The following SLC17A2 variants were observed in gnomAD, a reference collection of about 807,000 sequenced individuals.
SLC17A2 encodes the protein solute carrier family 17 member 2, also known as sodium-dependent phosphate transport protein 3.
SLC17A2 carries 38 observed loss-of-function variants against 52.1 expected under a neutral mutation model. The ratio of observed to expected loss-of-function variants is 0.73; its 90% CI spans 0.56 to 0.96. The LOEUF (loss-of-function observed/expected upper bound fraction) is 0.96. SLC17A2 is among the 40% of genes least tolerant of loss of function. SLC17A2 has a pLI of 0.00. For missense variants in SLC17A2, 508 were observed against 583.9 expected (o/e 0.87, Z 1.34); for synonymous variants, 226 against 211.9 (o/e 1.07, Z -0.58).
chr6:25,914,476 A>C, intron 11 of SLC17A2, 104 bp downstream of exon 11: 2 of 747,268 alleles, frequency 2.7e-6, no homozygotes. Flanking sequence ...GGCTCATGTA[A>C]ATAGAGTAAT....
At chr6:25,924,861 G>A (rs2151556895) in intron 2 of SLC17A2, among the ~76,000 whole-genome samples, 1 of 151,794 alleles carries the variant, frequency 6.6e-6, no homozygotes, top group South Asian at 2.1e-4. Context: ...GCTTGCAGGT[G>A]ATGTGGTGCT....
chr6:25,924,047 A>G (rs1561881434), intron 2 of SLC17A2, 141 bp from the exon 3 acceptor site: 3 of 662,700 alleles, frequency 4.5e-6, no homozygotes, highest in East Asian at 2.7e-5. Flanking sequence ...AGCCAGCACT[A>G]CAAACCCACT....
intron 1 of SLC17A2, among the ~76,000 whole-genome samples, chr6:25,926,456 C>G (rs1044533709): frequency 6.6e-6 from 1 of 152,206 alleles, no homozygotes; most frequent in Non-Finnish European, 1.5e-5. Flanking sequence ...AATGTGGACA[C>G]TTGCTTGGAC....
At chr6:25,925,510 C>CAAAA (rs71763063) in intron 2 of SLC17A2, among the ~76,000 whole-genome samples, 1 of 95,906 alleles carries the variant, frequency 1.0e-5, no homozygotes, top group Non-Finnish European at 2.1e-5. Context: ...AAGACTCAGT[C>CAAAA]AAAAAAAAAA....
intron 2 of SLC17A2, among the ~76,000 whole-genome samples, chr6:25,924,204 A>G (rs950968566): frequency 6.6e-6 from 1 of 152,202 alleles, no homozygotes; most frequent in African/African-American, 2.4e-5. Context: ...TATTGCTCCA[A>G]AATGAAGTGA....
chr6:25,919,255 AT>A (rs1766446730), intron 5 of SLC17A2, among the ~76,000 whole-genome samples: 1 of 152,142 alleles, frequency 6.6e-6, no homozygotes, highest in Non-Finnish European at 1.5e-5. Flanking sequence ...TATTCTATTC[AT>A]TTTTTAAAAT....
In SLC17A2 at chr6:25,917,072, A is replaced by G. The variant is rs772120194; in HGVS notation, c.665T>C (p.Val222Ala). ...CACTGTGAACCATAGGAGACAGCAG[A>G]CACAGCCAGTGCTACCTGGGAAGAA... is the stretch of plus-strand genomic sequence containing the variant. Reference protein sequence around the residue: ...IFYIFGSTGCVCCLLWFTVIY... With the variant: ...IFYIFGSTGCACCLLWFTVIY... Residue 222 changes from valine to alanine, a missense_variant, in exon 7 of 12, where the codon GTC (valine) becomes GCC (alanine). By Grantham distance (64) the Val-to-Ala change is moderately conservative (BLOSUM62 0). Coordinates refer to ENST00000377850, the MANE Select transcript of SLC17A2 (RefSeq NM_001286123.3). 1 of 1,613,844 alleles carries G rather than the reference A, an allele frequency of 6.2e-7. No homozygotes were observed.
chr6:25,916,940 G>A lies in SLC17A2; in HGVS notation c.768+29C>T, dbSNP rs746976008. 4 of 1,602,224 alleles carry A rather than the reference G, an allele frequency of 2.5e-6. No homozygotes were observed. In the Admixed American group the frequency reaches 5.0e-5, roughly 20 times the overall value. ...CACCCTGCCCTAGAGACCTCTGCAT[G>A]GGCCACAGGTACAAGGTGTGCACTG... is the stretch of plus-strand genomic sequence containing the variant. On this transcript the variant is annotated intron_variant, in intron 7 of 11. Coordinates refer to ENST00000377850, the MANE Select transcript of SLC17A2 (RefSeq NM_001286123.3).
At position 25,915,729 on chromosome 6, in the gene SLC17A2, T is replaced by A; in HGVS notation, c.1063+7A>T. Reference sequence around the variant, plus strand: ...TTGGTTAAATGGGCCCACACGCTTATCCTTACCAAGAGATGAAAAGAGCTT... The same window carrying A: ...TTGGTTAAATGGGCCCACACGCTTAACCTTACCAAGAGATGAAAAGAGCTT... On this transcript the variant is annotated splice_region_variant and intron_variant, in intron 9 of 11. Transcript: ENST00000377850. The A allele has an allele frequency of 6.2e-7, 1 of 1,613,962 alleles. No homozygotes were observed. Among genetic ancestry groups the A allele is most frequent in the Non-Finnish European group, 8.5e-7 (1 of 1,179,970 alleles).
chr6:25,915,195 A>G (rs1254140123), intron 10 of SLC17A2, among the ~76,000 whole-genome samples: 4 of 125,986 alleles, frequency 3.2e-5, no homozygotes, highest in Non-Finnish European at 3.5e-5. Context: ...TAATATGAAC[A>G]ACACCATGGA....
intron 8 of SLC17A2, 56 bp from the exon 9 acceptor site, chr6:25,915,924 T>C (rs1030401097): frequency 1.5e-5 from 24 of 1,564,306 alleles, no homozygotes; most frequent in Non-Finnish European, 2.0e-5. Flanking sequence ...CACCAAAATT[T>C]GTCAGTTACA....
chr6:25,924,479 C>G (rs553555970), intron 2 of SLC17A2, among the ~76,000 whole-genome samples: 1 of 151,522 alleles, frequency 6.6e-6, no homozygotes, highest in African/African-American at 2.4e-5. Context: ...CTATGTGTCA[C>G]TAGGTCCTGC....
chr6:25,920,511 G>T (rs62392761), intron 5 of SLC17A2, among the ~76,000 whole-genome samples: 26,661 of 152,060 alleles, frequency 0.18, 2,965 homozygotes, highest in Non-Finnish European at 0.25. Context: ...ATTTAAAATG[G>T]TACTTATATG....
Position 25,916,919 on chromosome 6 carries a change from C to T in SLC17A2, c.768+50G>A, listed in dbSNP as rs1457093864. ...GTGCCTCTCAGAGGAGATCCACACC[C>T]TGCCCTAGAGACCTCTGCATGGGCC... On this transcript the variant is annotated intron_variant, in intron 7 of 11. Coordinates refer to ENST00000377850, the MANE Select transcript of SLC17A2 (RefSeq NM_001286123.3). 3 of 1,607,110 alleles carry T rather than the reference C, an allele frequency of 1.9e-6. No individual in the cohort carries two copies. In the Admixed American group the frequency reaches 5.0e-5, roughly 27 times the overall value.
At chr6:25,925,957 A>G (rs923069542) in intron 1 of SLC17A2, 78 bp from the exon 2 acceptor site, 27 of 769,000 alleles carry the variant, frequency 3.5e-5, no homozygotes, top group African/African-American at 6.8e-5. Context: ...TAGCATCAGT[A>G]AAAGTTTTGA....
intron 8 of SLC17A2, 96 bp from the exon 9 acceptor site, chr6:25,915,964 A>G: frequency 1.7e-6 from 2 of 1,184,782 alleles, no homozygotes; most frequent in Non-Finnish European, 2.4e-6. Context: ...CCCCCATGAT[A>G]CTGTGGGTTG....
chr6:25,915,491 G>A lies in SLC17A2; in HGVS notation c.1211+8C>T, dbSNP rs578094548. ...TGGAGGAGGGGAAAAAACAGGTAGA[G>A]CTCTTACCTGGGGGCGATATCTAAG... On this transcript the variant is annotated splice_region_variant and intron_variant, in intron 10 of 11. Coordinates refer to ENST00000377850, the MANE Select transcript of SLC17A2 (RefSeq NM_001286123.3). 1.9e-6 allele frequency: 3 copies of A among 1,548,112 alleles called. No individual in the cohort carries two copies. Among genetic ancestry groups the A allele is most frequent in the East Asian group, 2.4e-5 (1 of 40,910 alleles).
intron 5 of SLC17A2, among the ~76,000 whole-genome samples, chr6:25,919,940 G>C (rs1766489896): frequency 6.6e-6 from 1 of 152,056 alleles, no homozygotes; most frequent in South Asian, 2.1e-4. Context: ...GGGCCAGATG[G>C]CTAAGAACTT....
Position 25,913,243 on chromosome 6 carries a change from G to A in SLC17A2, c.*74C>T. On this transcript the variant is annotated 3_prime_UTR_variant, in exon 12 of 12. Transcript: ENST00000377850. The stretch of plus-strand genomic sequence containing the variant: ...TAAGAACTGCTGAGTCTATGGTCAG[G>A]AATATGGAGAGAAGTAAAAAATGTT... 6.6e-7 allele frequency: 1 copy of A among 1,517,732 alleles called. No individual in the cohort carries two copies. The highest frequency in any genetic ancestry group is 1.1e-5 in the South Asian group (1 of 88,864). 94.0% of individuals were successfully genotyped at this position (1,517,732 alleles called of 1,614,324 possible). A position where few individuals can be genotyped will look rare whatever the true frequency, so the allele number is the denominator to read the frequency against.
Sources: gnomAD v4.1 joint callset for allele counts (sites outside exome capture counted in the v4.1 genomes callset) on GRCh38, gnomAD v4.1.1 for gene constraint, MANE v1.5 for transcripts, NCBI Gene and HGNC (gene_info 2026-07-23, HGNC 2026-07-21) for gene names.